The following RAP1A variants were observed in gnomAD, a reference collection of about 807,000 sequenced individuals.
RAP1A encodes RAP1A, member of RAS oncogene family.
A neutral mutation model predicts 26.4 loss-of-function variants in RAP1A; 6 were observed. That is an observed-to-expected ratio of 0.23 (90% CI 0.12 to 0.45). RAP1A has a LOEUF of 0.45. RAP1A is among the 20% of genes least tolerant of loss of function. RAP1A has a pLI of 0.99. For missense variants in RAP1A, 121 were observed against 217.2 expected (o/e 0.56, Z 2.78); for synonymous variants, 73 against 79.4 (o/e 0.92, Z 0.43).
intron 1 of RAP1A, among the ~76,000 whole-genome samples, chr1:111,612,350 C>T (rs1347795896): frequency 6.6e-6 from 1 of 152,182 alleles, no homozygotes; most frequent in African/African-American, 2.4e-5. Context: ...TCCTTCCAGA[C>T]AACAGTGTTC....
intron 1 of RAP1A, among the ~76,000 whole-genome samples, chr1:111,607,122 A>T (rs943387611): frequency 1.3e-4 from 19 of 150,604 alleles, no homozygotes; most frequent in Non-Finnish European, 2.4e-4. Flanking sequence ...CAGCAGATAA[A>T]CAAGTGAACA....
At chr1:111,554,225 CAT>C (rs1249004828) in intron 1 of RAP1A, among the ~76,000 whole-genome samples, 1 of 152,162 alleles carries the variant, frequency 6.6e-6, no homozygotes, top group Non-Finnish European at 1.5e-5. Context: ...CACATAAAAA[CAT>C]AGATCAAGTT....
chr1:111,592,811 C>CCCACCCCCT (rs1658493116), intron 1 of RAP1A, among the ~76,000 whole-genome samples: 1 of 152,132 alleles, frequency 6.6e-6, no homozygotes, highest in African/African-American at 2.4e-5. Context: ...GGATTTCTGC[C>CCCACCCCCT]CCACCCCCTC....
intron 1 of RAP1A, among the ~76,000 whole-genome samples, chr1:111,589,917 G>A (rs560460548): frequency 3.0e-4 from 46 of 151,988 alleles, no homozygotes; most frequent in African/African-American, 8.4e-4. Flanking sequence ...ACGTCACCAT[G>A]CCCAGTTAAT....
intron 1 of RAP1A, among the ~76,000 whole-genome samples, chr1:111,687,504 A>T (rs923529052): frequency 6.6e-6 from 1 of 152,080 alleles, no homozygotes; most frequent in African/African-American, 2.4e-5. Context: ...CACCACCCCT[A>T]GCCTGAGTTG....
At chr1:111,618,148 C>T (rs1659053783), upstream of RAP1A, among the ~76,000 whole-genome samples, 2 of 152,132 alleles carry the variant, frequency 1.3e-5, no homozygotes, top group African/African-American at 2.4e-5. Context: ...CCCTTTTCTC[C>T]TTCAAAGCAA....
rs913605758 is a variant in RAP1A at position 111,598,467 on chromosome 1, T to A, written c.-28+55958T>A. On this transcript the variant is annotated intron_variant, in intron 1 of 7. Coordinates refer to the RAP1A transcript ENST00000356415. ...CCTGCCTACCCTTTGAGGAGCACTT[T>A]TTTTTTTGTCCCACACGCTTCAAAA... Among the ~76,000 whole-genome samples the A allele has an allele frequency of 2.0e-5, 3 of 152,086 alleles. No homozygotes were observed. In the East Asian group the frequency reaches 5.8e-4, roughly 29 times the overall value.
At chr1:111,644,307 A>G (rs1256585639) in intron 1 of RAP1A, among the ~76,000 whole-genome samples, 2 of 152,230 alleles carry the variant, frequency 1.3e-5, no homozygotes, top group African/African-American at 2.4e-5. Context: ...CTTAGGCCTC[A>G]AGAAGTCCCA....
At chr1:111,607,541 G>A (rs1373173886) in intron 1 of RAP1A, among the ~76,000 whole-genome samples, 2 of 151,628 alleles carry the variant, frequency 1.3e-5, no homozygotes, top group East Asian at 3.9e-4. Context: ...CCTCCCAGAC[G>A]GGGCGGCTGG....
At chr1:111,574,906 G>C (rs1406783426) in intron 1 of RAP1A, among the ~76,000 whole-genome samples, 3 of 152,188 alleles carry the variant, frequency 2.0e-5, no homozygotes, top group African/African-American at 7.2e-5. Context: ...ACAAAAAAAT[G>C]AATTGCTATA....
chr1:111,649,826 G>A (rs1315342479), intron 1 of RAP1A, among the ~76,000 whole-genome samples: 1 of 152,016 alleles, frequency 6.6e-6, no homozygotes, highest in Non-Finnish European at 1.5e-5. Flanking sequence ...CTGGAAAACC[G>A]GTCTGAATGC....
chr1:111,615,537 G>A (rs779988439), upstream of RAP1A, among the ~76,000 whole-genome samples: 7 of 152,072 alleles, frequency 4.6e-5, no homozygotes, highest in Admixed American at 2.0e-4. Flanking sequence ...AAATTAAATA[G>A]GATTTAAAAT....
intron 1 of RAP1A, among the ~76,000 whole-genome samples, chr1:111,597,783 A>T (rs1484608311): frequency 2.0e-5 from 3 of 152,108 alleles, no homozygotes. Flanking sequence ...GACCAGCAAC[A>T]CTCAACAGGG....
At chr1:111,606,686 T>C (rs1371418969) in intron 1 of RAP1A, among the ~76,000 whole-genome samples, 1 of 152,110 alleles carries the variant, frequency 6.6e-6, no homozygotes, top group African/African-American at 2.4e-5. Flanking sequence ...CAAGTCACGG[T>C]GTTGTTATTA....
chr1:111,569,448 C>CCCCTAA (rs1657998243), intron 1 of RAP1A, among the ~76,000 whole-genome samples: 1 of 151,810 alleles, frequency 6.6e-6, no homozygotes, highest in Non-Finnish European at 1.5e-5. Flanking sequence ...GGGGTCAGCA[C>CCCCTAA]CCCTAACCTA....
chr1:111,549,921 G>A (rs967562473), intron 1 of RAP1A, among the ~76,000 whole-genome samples: 5 of 152,124 alleles, frequency 3.3e-5, no homozygotes, highest in African/African-American at 1.2e-4. Flanking sequence ...CCAAAGTGCT[G>A]GAATTACAGG....
chr1:111,555,675 C>A (rs1258758220), intron 1 of RAP1A, among the ~76,000 whole-genome samples: 1 of 152,066 alleles, frequency 6.6e-6, no homozygotes, highest in Non-Finnish European at 1.5e-5. Context: ...GAGATACTGT[C>A]TTTTCAACAA....
intron 1 of RAP1A, among the ~76,000 whole-genome samples, chr1:111,561,933 A>G (rs1328922319): frequency 1.3e-5 from 2 of 151,782 alleles, no homozygotes; most frequent in African/African-American, 2.4e-5. Flanking sequence ...GCCTCTCCCT[A>G]CTGCATTTAC....
chr1:111,598,124 CTT>C (rs939100596), intron 1 of RAP1A, among the ~76,000 whole-genome samples: 1 of 152,182 alleles, frequency 6.6e-6, no homozygotes, highest in Non-Finnish European at 1.5e-5. Flanking sequence ...GATTATATAA[CTT>C]AGGCTATTTT....
Sources: gnomAD v4.1 joint callset for allele counts (sites outside exome capture counted in the v4.1 genomes callset) on GRCh38, gnomAD v4.1.1 for gene constraint, MANE v1.5 for transcripts, NCBI Gene and HGNC (gene_info 2026-07-23, HGNC 2026-07-21) for gene names.